PGF: variants seen among roughly 807,000 people sequenced by gnomAD.
The protein encoded by PGF is placental growth factor, also known as placenta growth factor.
In PGF, 11 loss-of-function variants were observed where a neutral mutation model predicts 25.3. The ratio of observed to expected loss-of-function variants is 0.43; its 90% CI spans 0.27 to 0.72. The LOEUF (loss-of-function observed/expected upper bound fraction) is 0.72, where lower values mean the gene tolerates loss of function less well. PGF is among the 30% of genes least tolerant of loss of function. PGF has a pLI of 0.18. For synonymous variants in PGF, 105 were observed against 97.9 expected (o/e 1.07, Z -0.43); for missense variants, 230 against 234.9 (o/e 0.98, Z 0.14).
chr14:74,944,858 T>C (rs1888691131), intron 6 of PGF: 1 of 151,704 alleles, frequency 6.6e-6, no homozygotes, highest in African/African-American at 2.4e-5. Flanking sequence ...TGACTTATAA[T>C]TCTGATGAAA....
Position 74,955,548 on chromosome 14 carries a change from G to A in PGF, c.-306C>T, listed in dbSNP as rs1167291502. 7 of 314,472 alleles carry A rather than the reference G, an allele frequency of 2.2e-5. No individual in the cohort carries two copies. The highest frequency in any genetic ancestry group is 4.1e-5 in the Non-Finnish European group (7 of 172,446). 19.5% of individuals were successfully genotyped at this position (314,472 alleles called of 1,614,324 possible). ...TGCCACTCCAGGTCCTCCCGTAGCTGGGCGGCCGTCCGTCGATGCAGTTTC... is the reference window on the plus strand; with the variant it reads ...TGCCACTCCAGGTCCTCCCGTAGCTAGGCGGCCGTCCGTCGATGCAGTTTC... On this transcript the variant is annotated 5_prime_UTR_variant, in exon 1 of 7. Transcript: ENST00000555567. This position sits in a 1 kb window ranked among gnomAD's most constrained non-coding sequence, Gnocchi z 4.1.
rs140992965 is a variant in PGF at position 74,953,231 on chromosome 14, G to A, written c.118+673C>T. 1.1e-3 allele frequency among the ~76,000 whole-genome samples: 174 copies of A among 152,346 alleles called. No individual in the cohort carries two copies. The highest frequency in any genetic ancestry group is 3.4e-3 in the Middle Eastern group (1 of 294). On this transcript the variant is annotated intron_variant, in intron 2 of 6. Coordinates refer to ENST00000555567, the MANE Select transcript of PGF (RefSeq NM_002632.6). This position sits in a 1 kb window ranked among gnomAD's most constrained non-coding sequence, Gnocchi z 5.4. ...CATGCCCACTCTCCCATGGCGCAGG[G>A]GAAACCTCAGCGGTGGTGTGTGGCC...
At chr14:74,949,718 C>T (rs762402459) in intron 2 of PGF, among the ~76,000 whole-genome samples, 165 bp from the exon 3 acceptor site, 1 of 152,178 alleles carries the variant, frequency 6.6e-6, no homozygotes, top group Non-Finnish European at 1.5e-5. Flanking sequence ...TGCCTGCGGG[C>T]CCCTTAGCTC....
At chr14:74,943,226 T>C (rs549753121) in intron 6 of PGF, among the ~76,000 whole-genome samples, 11 of 152,346 alleles carry the variant, frequency 7.2e-5, no homozygotes, top group East Asian at 3.9e-4. Flanking sequence ...CAGGTCTACA[T>C]TGCCTTAAAA....
In PGF at chr14:74,953,370, A is replaced by G. The variant is rs1201656102; in HGVS notation, c.118+534T>C. Among the ~76,000 whole-genome samples, 2 of 151,164 alleles carry G rather than the reference A, an allele frequency of 1.3e-5. No individual in the cohort carries two copies. Among genetic ancestry groups the G allele is most frequent in the Non-Finnish European group, 2.9e-5 (2 of 67,858 alleles). On this transcript the variant is annotated intron_variant, in intron 2 of 6. Coordinates refer to ENST00000555567, the MANE Select transcript of PGF (RefSeq NM_002632.6). The surrounding 1 kb of genome is among the most constrained non-coding windows in gnomAD (Gnocchi z 5.4). ...GCAAACGTCTCGTTGCCCTTTGAAG[A>G]CTCCCTCTTGATGCAACCAGGGCGG... is the stretch of plus-strand genomic sequence containing the variant.
intron 6 of PGF, among the ~76,000 whole-genome samples, chr14:74,943,128 A>G (rs763615132): frequency 6.6e-6 from 1 of 152,126 alleles, no homozygotes; most frequent in Non-Finnish European, 1.5e-5. Flanking sequence ...TGATTACCCT[A>G]AGACAGCAGT....
At chr14:74,946,718 C>G in intron 4 of PGF, 1 of 697,374 alleles carries the variant, frequency 1.4e-6, no homozygotes, top group Non-Finnish European at 2.6e-6. Flanking sequence ...TTCTCTGTTG[C>G]TTTTTCTTTC....
At chr14:74,948,282 C>A (rs1445899923) in intron 4 of PGF, 1 of 450,738 alleles carries the variant, frequency 2.2e-6, no homozygotes, top group East Asian at 3.5e-5. Context: ...AACAGCTGTA[C>A]CCCAGCTGCT....
intron 2 of PGF, among the ~76,000 whole-genome samples, chr14:74,951,850 C>T (rs1888879533): frequency 6.6e-6 from 1 of 152,130 alleles, no homozygotes; most frequent in South Asian, 2.1e-4. Context: ...TCCCTGAAGG[C>T]CCCGCTATGG....
At chr14:74,951,464 A>G (rs780288710) in intron 2 of PGF, among the ~76,000 whole-genome samples, 22 of 152,244 alleles carry the variant, frequency 1.4e-4, no homozygotes. Context: ...TCCACCTTGG[A>G]AAACATAAAT....
chr14:74,944,157 C>T (rs1888665062), intron 6 of PGF, among the ~76,000 whole-genome samples: 1 of 142,474 alleles, frequency 7.0e-6, no homozygotes. Flanking sequence ...GGCTGGAGTG[C>T]AGTGGCGTGA....
chr14:74,947,330 G>C (rs1888763342), intron 4 of PGF: 1 of 162,182 alleles, frequency 6.2e-6, no homozygotes, highest in Non-Finnish European at 1.3e-5. Flanking sequence ...GCTAAGCTCT[G>C]GCTTGGAGGG....
chr14:74,954,098 C>T (rs1430722626), intron 1 of PGF, 152 bp from the exon 2 acceptor site: 1 of 691,650 alleles, frequency 1.4e-6, no homozygotes, highest in Non-Finnish European at 2.6e-6. Context: ...CTGAGTACCA[C>T]TAAAAACTCA....
chr14:74,954,276 G>C (rs1888934980), intron 1 of PGF: 1 of 318,210 alleles, frequency 3.1e-6, no homozygotes, highest in Non-Finnish European at 6.0e-6. Flanking sequence ...ACCCTGCTGG[G>C]CCCTGCACAG....
In PGF at chr14:74,942,731, CACCTGCCAGAG is replaced by C; in HGVS notation, c.486-9_487del. ...TTACCTCCGGGGAACAGCATCGCCG[CACCTGCCAGAG>C]ACCAAGCACAGACGGGGCGGGTATC... On this transcript the variant is annotated splice_acceptor_variant and splice_polypyrimidine_tract_variant and coding_sequence_variant and intron_variant, in exon 7 of 7. Coordinates refer to ENST00000555567, the MANE Select transcript of PGF (RefSeq NM_002632.6). LOFTEE classifies it high-confidence loss of function. 6.2e-7 allele frequency: 1 copy of C among 1,610,644 alleles called. No individual in the cohort carries two copies. The highest frequency in any genetic ancestry group is 8.5e-7 in the Non-Finnish European group (1 of 1,178,612).
intron 4 of PGF, chr14:74,948,015 C>T (rs1036977712): frequency 2.0e-5 from 3 of 153,042 alleles, no homozygotes; most frequent in African/African-American, 7.2e-5. Context: ...TCAAGGAAGC[C>T]ACAGTGTCAC....
At chr14:74,949,325 T>G (rs1316007483) in intron 3 of PGF, 32 bp downstream of exon 3, 3 of 1,452,052 alleles carry the variant, frequency 2.1e-6, no homozygotes, top group Non-Finnish European at 2.8e-6. Context: ...GTGGGCAGAT[T>G]CGGTGGCCCC....
intron 6 of PGF, among the ~76,000 whole-genome samples, chr14:74,943,225 A>G (rs1407155347): frequency 6.6e-6 from 1 of 152,224 alleles, no homozygotes. Context: ...CCAGGTCTAC[A>G]TTGCCTTAAA....
intron 6 of PGF, 63 bp downstream of exon 6, chr14:74,946,150 C>G: frequency 1.3e-6 from 2 of 1,506,194 alleles, no homozygotes; most frequent in Non-Finnish European, 1.8e-6. Flanking sequence ...CTAACCCTGG[C>G]GGCAAGGCGG....
Sources: gnomAD v4.1 joint callset for allele counts (sites outside exome capture counted in the v4.1 genomes callset) on GRCh38, gnomAD v4.1.1 for gene constraint, Gnocchi (gnomAD v3.1) non-coding constraint, MANE v1.5 for transcripts, NCBI Gene and HGNC (gene_info 2026-07-23, HGNC 2026-07-21) for gene names.